The following TCF4 variants were observed in gnomAD, a reference collection of about 807,000 sequenced individuals.
The protein encoded by TCF4 is SL3-3 enhancer factor 2.
TCF4 carries 3 observed loss-of-function variants against 82.1 expected under a neutral mutation model. The observed-to-expected ratio is 0.04, with a 90% CI of 0.02 to 0.09. TCF4 has a LOEUF of 0.09. TCF4 is among the 10% of genes least tolerant of loss of function. The pLI is 1.00. For synonymous variants in TCF4, 276 were observed against 309.6 expected (o/e 0.89, Z 1.14); for missense variants, 518 against 852.7 (o/e 0.61, Z 4.89).
intron 3 of TCF4, among the ~76,000 whole-genome samples, chr18:55,563,133 G>T (rs921573684): frequency 9.9e-5 from 15 of 151,714 alleles, no homozygotes; most frequent in African/African-American, 3.4e-4. Flanking sequence ...CAGCTAGTTG[G>T]GAGGTTGAGG....
intron 6 of TCF4, among the ~76,000 whole-genome samples, chr18:55,380,847 C>T (rs1045777043): frequency 6.6e-6 from 1 of 152,150 alleles, no homozygotes; most frequent in East Asian, 1.9e-4. Flanking sequence ...AGTTTTAGGT[C>T]TTAAAAACTA....
At chr18:55,295,663 A>G (rs908205770) in intron 8 of TCF4, among the ~76,000 whole-genome samples, 1 of 152,158 alleles carries the variant, frequency 6.6e-6, no homozygotes, top group Admixed American at 6.5e-5. Context: ...ACTCCTTAAT[A>G]GGGCTCACAA....
chr18:55,569,414 G>A (rs989537997), intron 3 of TCF4, among the ~76,000 whole-genome samples: 2 of 151,932 alleles, frequency 1.3e-5, no homozygotes, highest in African/African-American at 2.4e-5. Context: ...GTGTGGTGCC[G>A]GGCAACTGTA....
At chr18:55,328,300 T>G (rs1240283097) in intron 8 of TCF4, among the ~76,000 whole-genome samples, 1 of 152,094 alleles carries the variant, frequency 6.6e-6, no homozygotes, top group Admixed American at 6.5e-5. Flanking sequence ...TGATTTTTAT[T>G]TAAGGAGAAA....
chr18:55,601,953 C>T (rs949213922), intron 2 of TCF4, among the ~76,000 whole-genome samples: 3 of 152,130 alleles, frequency 2.0e-5, no homozygotes, highest in African/African-American at 4.8e-5. Context: ...AATATAAATG[C>T]GCCAGTGTGA....
intron 16 of TCF4, 45 bp from the exon 17 acceptor site, chr18:55,232,716 C>T: frequency 6.2e-7 from 1 of 1,611,114 alleles, no homozygotes. Context: ...CACAATCTCA[C>T]TGCCTGCACA....
At chr18:55,418,246 C>T (rs746312695) in intron 5 of TCF4, among the ~76,000 whole-genome samples, 2 of 151,994 alleles carry the variant, frequency 1.3e-5, no homozygotes, top group Non-Finnish European at 2.9e-5. Flanking sequence ...TCAAATGCAT[C>T]GCTTTTGCCT....
intron 2 of TCF4, among the ~76,000 whole-genome samples, chr18:55,617,314 C>T (rs1452545389): frequency 1.3e-5 from 2 of 152,020 alleles, no homozygotes; most frequent in African/African-American, 4.8e-5. Context: ...TATACCAGTA[C>T]CATACTGTTT....
intron 3 of TCF4, among the ~76,000 whole-genome samples, chr18:55,585,010 T>G (rs1289005737): frequency 6.6e-6 from 1 of 152,198 alleles, no homozygotes. Context: ...CTTCATGTGT[T>G]TGATTACAAC....
chr18:55,542,092 T>C (rs772702782), intron 3 of TCF4, among the ~76,000 whole-genome samples: 1 of 152,130 alleles, frequency 6.6e-6, no homozygotes, highest in East Asian at 1.9e-4. Context: ...TAAATGTGAA[T>C]GTGTAAAATT....
intron 8 of TCF4, among the ~76,000 whole-genome samples, chr18:55,314,527 T>A (rs1159020776): frequency 6.6e-6 from 1 of 151,388 alleles, no homozygotes; most frequent in Non-Finnish European, 1.5e-5. Flanking sequence ...TTTGTTTTAT[T>A]CGTTAGAAAA....
chr18:55,545,509 C>A (rs768733211), intron 3 of TCF4, among the ~76,000 whole-genome samples: 1 of 152,024 alleles, frequency 6.6e-6, no homozygotes, highest in African/African-American at 2.4e-5. Context: ...AGTGCAGTGG[C>A]GGGATCTCAG....
At chr18:55,465,834 T>C (rs2096004767) in intron 3 of TCF4, among the ~76,000 whole-genome samples, 1 of 152,234 alleles carries the variant, frequency 6.6e-6, no homozygotes, top group Admixed American at 6.5e-5. Flanking sequence ...ATCTTGACTT[T>C]CTTTTCACCT....
chr18:55,402,187 A>G, intron 6 of TCF4: 4 of 985,428 alleles, frequency 4.1e-6, no homozygotes, highest in Non-Finnish European at 4.8e-6. Context: ...AATGCAACAA[A>G]TCTTTCAGAT....
intron 5 of TCF4, among the ~76,000 whole-genome samples, chr18:55,454,123 A>G (rs1405443648): frequency 6.6e-6 from 1 of 152,184 alleles, no homozygotes; most frequent in Non-Finnish European, 1.5e-5. Context: ...TTGGCCTCCC[A>G]AAGTGCTAGG....
At chr18:55,545,930 C>G (rs955417688) in intron 3 of TCF4, among the ~76,000 whole-genome samples, 15 of 152,162 alleles carry the variant, frequency 9.9e-5, no homozygotes, top group African/African-American at 3.6e-4. Flanking sequence ...ATTTTTTTCC[C>G]CCATAACTTA....
chr18:55,386,181 C>T (rs1455013045), intron 6 of TCF4, among the ~76,000 whole-genome samples: 2 of 152,174 alleles, frequency 1.3e-5, no homozygotes, highest in Non-Finnish European at 2.9e-5. Context: ...GTCCCCACGG[C>T]TCCGCTGAAT....
At chr18:55,589,492 A>G (rs1310642145), upstream of TCF4, 1 of 1,054,808 alleles carries the variant, frequency 9.5e-7, no homozygotes, top group Non-Finnish European at 1.1e-6. Context: ...ATTTTCCACC[A>G]TAAAACTGCA....
chr18:55,518,210 G>A (rs2096901082), intron 3 of TCF4, among the ~76,000 whole-genome samples: 1 of 152,002 alleles, frequency 6.6e-6, no homozygotes, highest in Non-Finnish European at 1.5e-5. Flanking sequence ...GCAATATGAT[G>A]ATTTGCTGTC....
Sources: gnomAD v4.1 joint callset for allele counts (sites outside exome capture counted in the v4.1 genomes callset) on GRCh38, gnomAD v4.1.1 for gene constraint, MANE v1.5 for transcripts, NCBI Gene and HGNC (gene_info 2026-07-23, HGNC 2026-07-21) for gene names.